SDCCAG8: variants seen among roughly 807,000 people sequenced by gnomAD.
SDCCAG8 encodes serologically defined colon cancer antigen 8.
Under a neutral mutation model 101.8 loss-of-function variants are expected in SDCCAG8, and 74 were observed. That is an observed-to-expected ratio of 0.73 (90% CI 0.60 to 0.88). SDCCAG8 has a LOEUF of 0.88. SDCCAG8 is among the 40% of genes least tolerant of loss of function. The pLI is 0.00. For missense variants in SDCCAG8, 787 were observed against 822.6 expected (o/e 0.96, Z 0.53); for synonymous variants, 281 against 292.9 (o/e 0.96, Z 0.41).
In SDCCAG8 at chr1:243,271,063, G is replaced by A; in HGVS notation, c.306G>A (p.Leu102=). ...CAAGAAGAAGAAAAATGTCCCCCTT[G>A]GTAAGTATCAACTTTTCCAAGTTGA... ...SPSRRRKMSP[L]RSLEHEETNM... The change falls in exon 3 of 18, where the codon TTG becomes TTA. Residue 102 remains leucine (L), a splice_region_variant and synonymous_variant. Coordinates refer to ENST00000366541, the MANE Select transcript of SDCCAG8 (RefSeq NM_006642.5). 6.3e-7 allele frequency: 1 copy of A among 1,599,574 alleles called. No homozygotes were observed. The highest frequency in any genetic ancestry group is 8.6e-7 in the Non-Finnish European group (1 of 1,167,100).
chr1:243,345,013 C>T (rs992735384), intron 12 of SDCCAG8, among the ~76,000 whole-genome samples: 11 of 152,082 alleles, frequency 7.2e-5, no homozygotes, highest in African/African-American at 2.7e-4. Context: ...AGTACAGGAC[C>T]TTGAAGGTTT....
chr1:243,481,886 A>T (rs926809201), intron 16 of SDCCAG8, among the ~76,000 whole-genome samples: 1 of 152,200 alleles, frequency 6.6e-6, no homozygotes, highest in East Asian at 1.9e-4. Flanking sequence ...AAAAACTCTC[A>T]TTGAAAAACA....
At chr1:243,388,951 G>A (rs569159013) in intron 13 of SDCCAG8, among the ~76,000 whole-genome samples, 7 of 144,570 alleles carry the variant, frequency 4.8e-5, no homozygotes, top group African/African-American at 1.8e-4. Context: ...GTGGTGGTGC[G>A]TGCCTGAGTC....
intron 15 of SDCCAG8, among the ~76,000 whole-genome samples, chr1:243,419,426 T>C (rs2080834885): frequency 6.6e-6 from 1 of 152,218 alleles, no homozygotes; most frequent in Non-Finnish European, 1.5e-5. Context: ...AACAAGATTG[T>C]ATCATTTAGG....
chr1:243,385,086 A>C (rs567935402), intron 13 of SDCCAG8, among the ~76,000 whole-genome samples: 49 of 152,240 alleles, frequency 3.2e-4, no homozygotes, highest in African/African-American at 1.1e-3. Context: ...CTAGCGGGGA[A>C]GAGAAGAAAA....
chr1:243,489,551 A>G (rs1665870129), intron 17 of SDCCAG8, among the ~76,000 whole-genome samples: 1 of 152,220 alleles, frequency 6.6e-6, no homozygotes, highest in East Asian at 1.9e-4. Context: ...GGTGTTCCCA[A>G]TTAGCAAAGT....
At chr1:243,397,377 C>G (rs1558410124) in intron 13 of SDCCAG8, among the ~76,000 whole-genome samples, 1 of 152,052 alleles carries the variant, frequency 6.6e-6, no homozygotes, top group Non-Finnish European at 1.5e-5. Context: ...AGTTTCTAAG[C>G]TTTTTTAAAT....
intron 12 of SDCCAG8, among the ~76,000 whole-genome samples, chr1:243,371,233 C>T: frequency 6.6e-6 from 1 of 152,084 alleles, no homozygotes; most frequent in South Asian, 2.1e-4. Context: ...AGAAGGCAGA[C>T]TGTGTCATTT....
At chr1:243,357,161 T>C (rs2076430460) in intron 12 of SDCCAG8, among the ~76,000 whole-genome samples, 1 of 152,146 alleles carries the variant, frequency 6.6e-6, no homozygotes, top group Non-Finnish European at 1.5e-5. Flanking sequence ...GGGTGGATCA[T>C]GAGATCTGGA....
At chr1:243,346,417 A>G (rs1471293349) in intron 12 of SDCCAG8, among the ~76,000 whole-genome samples, 5 of 152,248 alleles carry the variant, frequency 3.3e-5, no homozygotes, top group Non-Finnish European at 4.4e-5. Flanking sequence ...AGGTTTGCAA[A>G]CAAGGTGTTC....
At chr1:243,480,272 G>A (rs144767793) in intron 16 of SDCCAG8, among the ~76,000 whole-genome samples, 1,593 of 149,064 alleles carry the variant, frequency 0.011, 35 homozygotes, top group African/African-American at 0.037. Flanking sequence ...CTTCAAGAGT[G>A]AAGGTCATGG....
chr1:243,488,902 G>C (rs1166011894), intron 16 of SDCCAG8, 112 bp from the exon 17 acceptor site: 4 of 1,504,638 alleles, frequency 2.7e-6, no homozygotes, highest in Non-Finnish European at 3.7e-6. Flanking sequence ...GTCACCCTAG[G>C]CGTCCTGCTC....
intron 12 of SDCCAG8, 102 bp downstream of exon 12, chr1:243,344,433 C>G (rs1573446765): frequency 2.1e-6 from 2 of 959,276 alleles, no homozygotes; most frequent in Non-Finnish European, 3.3e-6. Flanking sequence ...TGTATTGTTT[C>G]TAACTAATGG....
At chr1:243,428,381 TTATAGGGA>T (rs2081484542) in intron 16 of SDCCAG8, among the ~76,000 whole-genome samples, 3 of 152,218 alleles carry the variant, frequency 2.0e-5, no homozygotes, top group Non-Finnish European at 4.4e-5. Context: ...GTATACATCC[TTATAGGGA>T]AGATGGATAT....
chr1:243,412,575 A>ATTTTC (rs1429307137), intron 13 of SDCCAG8, among the ~76,000 whole-genome samples: 3 of 151,036 alleles, frequency 2.0e-5, no homozygotes, highest in Admixed American at 6.6e-5. Context: ...TTTTTGTGTG[A>ATTTTC]TTTTCTTTTC....
intron 13 of SDCCAG8, among the ~76,000 whole-genome samples, chr1:243,403,152 C>A (rs2079521355): frequency 6.6e-6 from 1 of 152,142 alleles, no homozygotes; most frequent in Admixed American, 6.5e-5. Context: ...CCCACATAAT[C>A]CTGATAATAT....
At chr1:243,368,435 G>A (rs976306634) in intron 12 of SDCCAG8, among the ~76,000 whole-genome samples, 1 of 152,098 alleles carries the variant, frequency 6.6e-6, no homozygotes, top group Non-Finnish European at 1.5e-5. Flanking sequence ...TCCCAATATA[G>A]CATTTTATAG....
rs373526073 is a variant in SDCCAG8 at position 243,270,974 on chromosome 1, A to G, written c.221-4A>G. 54 of 1,608,510 alleles carry G rather than the reference A, an allele frequency of 3.4e-5. No individual in the cohort carries two copies. In the African/African-American group the frequency reaches 4.5e-4, roughly 14 times the overall value. On this transcript the variant is annotated splice_polypyrimidine_tract_variant and splice_region_variant and intron_variant, in intron 2 of 17. Coordinates refer to ENST00000366541, the MANE Select transcript of SDCCAG8 (RefSeq NM_006642.5). ...TTAATAAACCCTCTGCTTTTGCTCTATAGTTAATCAGCTCAAAGATTTGTT... is the reference window on the plus strand; with the variant it reads ...TTAATAAACCCTCTGCTTTTGCTCTGTAGTTAATCAGCTCAAAGATTTGTT...
rs1462184110 is a variant in SDCCAG8 at position 243,307,980 on chromosome 1, T to C, written c.741-9T>C. On this transcript the variant is annotated splice_polypyrimidine_tract_variant and intron_variant, in intron 7 of 17. Transcript: ENST00000366541. The stretch of plus-strand genomic sequence containing the variant: ...GCCATTTTCTAGAATTTTTTCACCC[T>C]CTTTTTAGGAACGACTTAGCTGAAT... 1 of 1,613,254 alleles carries C rather than the reference T, an allele frequency of 6.2e-7. No homozygotes were observed. The highest frequency in any genetic ancestry group is 1.3e-5 in the African/African-American group (1 of 74,940).
Sources: gnomAD v4.1 joint callset for allele counts (sites outside exome capture counted in the v4.1 genomes callset) on GRCh38, gnomAD v4.1.1 for gene constraint, MANE v1.5 for transcripts, NCBI Gene and HGNC (gene_info 2026-07-23, HGNC 2026-07-21) for gene names.